Variants in MMP26 observed in about 807,000 individuals in gnomAD.
MMP26 encodes the protein matrix metallopeptidase 26.
In MMP26, 33 loss-of-function variants were observed where a neutral mutation model predicts 31.0. The ratio of observed to expected loss-of-function variants is 1.06; its 90% confidence interval spans 0.81 to 1.42. The LOEUF (loss-of-function observed/expected upper bound fraction) is 1.42, where lower values mean the gene tolerates loss of function less well. Ranked by LOEUF, MMP26 falls within the 40% of genes most tolerant of loss-of-function variation. The pLI, the probability that MMP26 is intolerant of heterozygous loss-of-function variation, is 0.00. For missense variants in MMP26, 347 were observed against 316.1 expected (o/e 1.10, Z -0.74); for synonymous variants, 122 against 114.9 (o/e 1.06, Z -0.40).
In MMP26 at chr11:4,990,726, A is replaced by G. The variant is rs1452859595; in HGVS notation, c.449A>G (p.Lys150Arg). 4 of 1,613,988 alleles carry G rather than the reference A, an allele frequency of 2.5e-6. No individual in the cohort carries two copies. The highest frequency in any genetic ancestry group is 3.4e-6 in the Non-Finnish European group (4 of 1,179,976). The change falls in exon 5 of 8, where the codon AAG becomes AGG. Residue 150 changes from lysine (K) to arginine (R), a missense_variant. Lys to Arg is a conservative substitution (Grantham distance 26). Transcript: ENST00000380390. ...QQVQNGDADIKVSFWQWAHED... is the reference protein window; with the variant it reads ...QQVQNGDADIRVSFWQWAHED... ...GTGCAGAATGGAGATGCAGACATCA[A>G]GGTTTCTTTCTGGCAGTGGGGTAAG...
chr11:4,709,842 C>T (rs567972477), intron 1 of MMP26: 17 of 457,134 alleles, frequency 3.7e-5, no homozygotes, highest in African/African-American at 2.2e-4. Flanking sequence ...GTTCAATGCT[C>T]GAGAAATCAG....
intron 2 of MMP26, among the ~76,000 whole-genome samples, chr11:4,870,331 TTAAA>T (rs1435922249): frequency 9.2e-5 from 14 of 152,126 alleles, no homozygotes; most frequent in Admixed American, 7.9e-4. Context: ...AACATGTTGT[TTAAA>T]TAAATAATGA....
chr11:4,829,332 A>G (rs780400134), intron 2 of MMP26, among the ~76,000 whole-genome samples: 29 of 152,116 alleles, frequency 1.9e-4, no homozygotes, highest in Middle Eastern at 3.2e-3. Context: ...CCCCAACTCC[A>G]TCACATCACC....
intron 2 of MMP26, among the ~76,000 whole-genome samples, chr11:4,926,963 G>T (rs192974862): frequency 4.1e-4 from 62 of 152,274 alleles, no homozygotes; most frequent in Admixed American, 2.2e-3. Context: ...TGCAGCTATT[G>T]TCCATTTTCT....
chr11:4,830,584 C>T (rs1415498399), intron 2 of MMP26, among the ~76,000 whole-genome samples: 1 of 152,108 alleles, frequency 6.6e-6, no homozygotes, highest in Non-Finnish European at 1.5e-5. Context: ...TGGCTCATTT[C>T]GAGGGGATTC....
chr11:4,826,694 A>G (rs993417466), intron 2 of MMP26, among the ~76,000 whole-genome samples: 1 of 152,056 alleles, frequency 6.6e-6, no homozygotes, highest in Non-Finnish European at 1.5e-5. Flanking sequence ...CTACTGACAA[A>G]TCTTAACATT....
At chr11:4,818,939 G>C (rs1037450868) in intron 2 of MMP26, among the ~76,000 whole-genome samples, 1 of 152,138 alleles carries the variant, frequency 6.6e-6, no homozygotes, top group Non-Finnish European at 1.5e-5. Flanking sequence ...CTCAGATAAA[G>C]ACAAGCTGGA....
intron 2 of MMP26, among the ~76,000 whole-genome samples, chr11:4,789,530 C>CTTT (rs71050429): frequency 0.043 from 2,852 of 65,884 alleles, 850 homozygotes; most frequent in South Asian, 0.085. Context: ...TATCCCCCCA[C>CTTT]TTTTTTTTTT....
chr11:4,821,522 G>A, intron 2 of MMP26: 1 of 1,609,136 alleles, frequency 6.2e-7, no homozygotes, highest in Non-Finnish European at 8.5e-7. Flanking sequence ...ATCCCTTTTT[G>A]TCTCCTATAT....
Position 4,867,113 on chromosome 11 carries a change from C to T in MMP26, c.-145+99772C>T, listed in dbSNP as rs189324571. On this transcript the variant is annotated intron_variant, in intron 2 of 7. Coordinates refer to ENST00000380390, the MANE Select transcript of MMP26 (RefSeq NM_021801.5). ...ATAATTAAACTAAAGAGCTTCTGCA[C>T]AGCAAAAGAAACTATCAACAGAGAA... 6.4e-4 allele frequency among the ~76,000 whole-genome samples: 97 copies of T among 152,116 alleles called. 1 individual carries two copies. The highest frequency in any genetic ancestry group is 3.4e-3 in the Middle Eastern group (1 of 294).
intron 2 of MMP26, among the ~76,000 whole-genome samples, chr11:4,786,493 C>CTTTTTTT (rs66987352): frequency 1.7e-5 from 1 of 60,352 alleles, no homozygotes. Context: ...TCTGCTGATC[C>CTTTTTTT]TTTTTTTTTT....
chr11:4,732,652 A>G lies in MMP26; in HGVS notation c.-217+27607A>G, dbSNP rs145817427. On this transcript the variant is annotated intron_variant, in intron 1 of 7. Transcript: ENST00000380390. ...TCCCTCTCAGCCCTGAGCAATCACT[A>G]ATCTACTTTTTGTCTCTATAGATTT... Among the ~76,000 whole-genome samples the G allele has an allele frequency of 9.2e-3, 1,394 of 152,054 alleles. 19 individuals carry two copies. The highest frequency in any genetic ancestry group is 0.031 in the African/African-American group (1,306 of 41,482).
At chr11:4,794,635 C>T (rs906679194) in intron 2 of MMP26, among the ~76,000 whole-genome samples, 7 of 152,046 alleles carry the variant, frequency 4.6e-5, no homozygotes, top group South Asian at 2.1e-4. Flanking sequence ...ATGACCCAGG[C>T]GGTTAGGCAA....
intron 2 of MMP26, among the ~76,000 whole-genome samples, chr11:4,845,303 A>G (rs186912191): frequency 2.0e-5 from 3 of 152,278 alleles, no homozygotes; most frequent in Admixed American, 2.0e-4. Context: ...GGACTGAAAG[A>G]ATAAATATTG....
intron 1 of MMP26, chr11:4,709,618 C>G (rs1477614577): frequency 4.4e-6 from 2 of 456,846 alleles, no homozygotes; most frequent in Admixed American, 4.7e-5. Flanking sequence ...TTCTTCCTTA[C>G]TGGCATCCCT....
At chr11:4,809,049 C>G (rs940764250) in intron 2 of MMP26, among the ~76,000 whole-genome samples, 1 of 151,884 alleles carries the variant, frequency 6.6e-6, no homozygotes, top group Non-Finnish European at 1.5e-5. Context: ...ACATAGGAAG[C>G]ACAGGTTGTC....
At chr11:4,711,448 T>G (rs2133265942) in intron 1 of MMP26, 1 of 152,198 alleles carries the variant, frequency 6.6e-6, no homozygotes, top group East Asian at 1.9e-4. Context: ...ATTTTATAAA[T>G]GTTCAATAAT....
intron 2 of MMP26, among the ~76,000 whole-genome samples, chr11:4,924,855 G>A (rs1851246595): frequency 6.6e-6 from 1 of 152,200 alleles, no homozygotes; most frequent in Non-Finnish European, 1.5e-5. Flanking sequence ...AGTTTTGCCT[G>A]TGGGGCTGGG....
chr11:4,917,100 T>C (rs1851105964), intron 2 of MMP26, among the ~76,000 whole-genome samples: 1 of 152,182 alleles, frequency 6.6e-6, no homozygotes, highest in Non-Finnish European at 1.5e-5. Context: ...TGTTTACCTC[T>C]ATTAATCCAG....
Sources: allele counts gnomAD v4.1 joint callset (sites outside exome capture counted in the v4.1 genomes callset), GRCh38; gene constraint gnomAD v4.1.1; transcripts MANE v1.5; gene names NCBI Gene and HGNC (gene_info 2026-07-23, HGNC 2026-07-21).